The following RPSA2 variants were observed in gnomAD, a reference collection of about 807,000 sequenced individuals.
The protein encoded by RPSA2 is small ribosomal subunit protein uS2B.
chr19:23,842,902 A>T, the RPSA2 span, among the ~76,000 whole-genome samples: 6 of 152,324 alleles, frequency 3.9e-5, no homozygotes, highest in South Asian at 1.0e-3. Flanking sequence ...TAGATTAATG[A>T]TAATTCTAGA....
chr19:23,845,874 TC>T, the RPSA2 span, among the ~76,000 whole-genome samples: 1 of 152,198 alleles, frequency 6.6e-6, no homozygotes, highest in Non-Finnish European at 1.5e-5. Context: ...TTCTGAAATT[TC>T]TCTTGATATC....
the RPSA2 span, among the ~76,000 whole-genome samples, chr19:23,852,109 T>G: frequency 6.6e-6 from 1 of 152,206 alleles, no homozygotes; most frequent in Non-Finnish European, 1.5e-5. Context: ...CTGAAAAGGC[T>G]GAGACAGCTG....
chr19:23,852,702 A>G, the RPSA2 span, among the ~76,000 whole-genome samples: 78,272 of 152,088 alleles, frequency 0.51, 20,590 homozygotes, highest in South Asian at 0.62. Context: ...GCCATTATGG[A>G]CATGTTATAT....
chr19:23,848,841 A>G, the RPSA2 span, among the ~76,000 whole-genome samples: 1 of 152,368 alleles, frequency 6.6e-6, no homozygotes, highest in African/African-American at 2.4e-5. Flanking sequence ...CATTGACAAA[A>G]TGAGCCATTT....
chr19:23,772,229 G>C, the RPSA2 span, among the ~76,000 whole-genome samples: 1 of 152,198 alleles, frequency 6.6e-6, no homozygotes, highest in African/African-American at 2.4e-5. Context: ...TTCTGCCTCT[G>C]TCTTGCCCCC....
chr19:23,838,300 C>T, the RPSA2 span, among the ~76,000 whole-genome samples: 1 of 6,164 alleles, frequency 1.6e-4, no homozygotes, highest in Non-Finnish European at 4.9e-3. Context: ...CCCACTTGAT[C>T]ATGGATTATC....
the RPSA2 span, among the ~76,000 whole-genome samples, chr19:23,860,302 C>T: frequency 1.3e-5 from 2 of 152,180 alleles, no homozygotes; most frequent in African/African-American, 2.4e-5. Context: ...CTTGTCCTAC[C>T]CTGTCATCAA....
the RPSA2 span, among the ~76,000 whole-genome samples, chr19:23,852,686 G>T: frequency 1.2e-4 from 19 of 152,300 alleles, no homozygotes; most frequent in Middle Eastern, 6.8e-3. Flanking sequence ...CAGCTTGGGC[G>T]TTAGGGCCAT....
At chr19:23,805,931 G>A in the RPSA2 span, among the ~76,000 whole-genome samples, 2 of 152,014 alleles carry the variant, frequency 1.3e-5, no homozygotes, top group East Asian at 1.9e-4. Flanking sequence ...CCATGAATTC[G>A]TGATCTGCAA....
chr19:23,761,078 G>A, the RPSA2 span, among the ~76,000 whole-genome samples: 3 of 32,710 alleles, frequency 9.2e-5, no homozygotes, highest in African/African-American at 3.0e-4. Flanking sequence ...TTGTGTGTGT[G>A]TATATATATA....
chr19:23,841,442 C>T, the RPSA2 span, among the ~76,000 whole-genome samples: 99 of 152,124 alleles, frequency 6.5e-4, no homozygotes, highest in East Asian at 1.9e-3. Flanking sequence ...CCAGCCTGGG[C>T]GACAGAGCCA....
the RPSA2 span, chr19:23,759,008 T>C: frequency 1.9e-5 from 11 of 566,308 alleles, no homozygotes; most frequent in African/African-American, 1.7e-4. Flanking sequence ...CCTCAGGTCC[T>C]GAGTGACAGA....
At chr19:23,824,236 A>T in the RPSA2 span, among the ~76,000 whole-genome samples, 1 of 152,230 alleles carries the variant, frequency 6.6e-6, no homozygotes, top group Non-Finnish European at 1.5e-5. Context: ...GAAGTTAACA[A>T]ACTAAAGCTG....
At chr19:23,799,665 G>A in the RPSA2 span, among the ~76,000 whole-genome samples, 3 of 55,800 alleles carry the variant, frequency 5.4e-5, no homozygotes. Flanking sequence ...CGTCCTCAGG[G>A]AGGAGAGAGG....
chr19:23,780,808 A>T, the RPSA2 span, among the ~76,000 whole-genome samples: 2 of 152,230 alleles, frequency 1.3e-5, no homozygotes, highest in Non-Finnish European at 2.9e-5. Flanking sequence ...GAGTGCCCTT[A>T]CAGGGCCAAG....
chr19:23,834,821 C>T, the RPSA2 span, among the ~76,000 whole-genome samples: 3 of 151,588 alleles, frequency 2.0e-5, no homozygotes, highest in African/African-American at 4.9e-5. Flanking sequence ...GGACTGACAT[C>T]ACTAGTAATC....
chr19:23,830,825 C>G, the RPSA2 span, among the ~76,000 whole-genome samples: 1 of 150,108 alleles, frequency 6.7e-6, no homozygotes, highest in Non-Finnish European at 1.5e-5. Flanking sequence ...ATCATATTGC[C>G]CTATTTTGTA....
At chr19:23,781,016 C>G in the RPSA2 span, among the ~76,000 whole-genome samples, 1 of 152,148 alleles carries the variant, frequency 6.6e-6, no homozygotes, top group African/African-American at 2.4e-5. Flanking sequence ...GCTCTGTCAC[C>G]CAGGCTGGAG....
the RPSA2 span, among the ~76,000 whole-genome samples, chr19:23,840,962 CAAAAAAAAAA>C: frequency 1.3e-4 from 15 of 117,744 alleles, no homozygotes; most frequent in Non-Finnish European, 1.2e-4. Context: ...AACTCCGTCT[CAAAAAAAAAA>C]AAAAAAAAAA....
Sources: allele counts gnomAD v4.1 joint callset (sites outside exome capture counted in the v4.1 genomes callset), GRCh38; gene constraint gnomAD v4.1.1; transcripts MANE v1.5; gene names NCBI Gene and HGNC (gene_info 2026-07-23, HGNC 2026-07-21).